The following RSPH10B variants were observed in gnomAD, a reference collection of about 807,000 sequenced individuals.
RSPH10B encodes radial spoke head 10 homolog B (Chlamydomonas).
RSPH10B carries 7 observed loss-of-function variants against 52.5 expected under a neutral mutation model. That is an observed-to-expected ratio of 0.13 (90% CI 0.08 to 0.25). RSPH10B has a LOEUF of 0.25. RSPH10B is among the 10% of genes least tolerant of loss of function. The pLI is 1.00. For synonymous variants in RSPH10B, 28 were observed against 193.2 expected, an observed-to-expected ratio of 0.14 and a Z score of 7.09; for missense variants, 89 against 542.5, an observed-to-expected ratio of 0.16 and a Z score of 8.30.
At chr7:5,933,481 T>G (rs1779874127) in intron 16 of RSPH10B, among the ~76,000 whole-genome samples, 1 of 137,644 alleles carries the variant, frequency 7.3e-6, no homozygotes, top group African/African-American at 2.5e-5. Flanking sequence ...CGATACCGGC[T>G]AGGCGTGGTG....
chr7:5,931,492 A>G (rs571054965), intron 17 of RSPH10B, among the ~76,000 whole-genome samples: 1 of 151,396 alleles, frequency 6.6e-6, no homozygotes, highest in Non-Finnish European at 1.5e-5. Context: ...TTGGGACACC[A>G]AGGCGGGAAG....
chr7:5,954,988 TAAAA>T (rs1185408288), intron 7 of RSPH10B, among the ~76,000 whole-genome samples: 2 of 24,166 alleles, frequency 8.3e-5, no homozygotes, highest in African/African-American at 1.6e-4. Context: ...CTGTAACTAC[TAAAA>T]AAAAAAAAAA....
At chr7:5,928,626 T>C (rs1455925943) in intron 17 of RSPH10B, among the ~76,000 whole-genome samples, 2 of 138,208 alleles carry the variant, frequency 1.4e-5, no homozygotes, top group African/African-American at 5.5e-5. Context: ...CCTCGTTTTT[T>C]CTTTTTTGTT....
At chr7:5,956,775 C>G in intron 6 of RSPH10B, among the ~76,000 whole-genome samples, 1 of 123,036 alleles carries the variant, frequency 8.1e-6, no homozygotes, top group East Asian at 2.8e-4. Context: ...CACCATATCA[C>G]CCAGGCTGGT....
chr7:5,931,106 G>A (rs1254714091), intron 17 of RSPH10B, among the ~76,000 whole-genome samples: 2 of 131,498 alleles, frequency 1.5e-5, no homozygotes. Context: ...GCTAATTTTT[G>A]TATTTTTAGT....
At chr7:5,942,186 A>T (rs1370940563) in intron 13 of RSPH10B, among the ~76,000 whole-genome samples, 19 of 144,524 alleles carry the variant, frequency 1.3e-4, no homozygotes, top group African/African-American at 4.9e-4. Context: ...ATTTCAGTTG[A>T]CTTTATTGCT....
upstream of RSPH10B, among the ~76,000 whole-genome samples, chr7:5,968,698 C>CG (rs1371524325): frequency 5.8e-5 from 4 of 68,894 alleles, 1 homozygote; most frequent in Non-Finnish European, 1.4e-4. Flanking sequence ...TTAGTAGAGA[C>CG]GGGGTTTCAC....
chr7:5,927,022 CGTGTGTGTGTGT>C (rs373901374), intron 18 of RSPH10B, among the ~76,000 whole-genome samples: 3 of 96,000 alleles, frequency 3.1e-5, no homozygotes, highest in African/African-American at 4.8e-5. Flanking sequence ...CCCAAAGTTA[CGTGTGTGTGTGT>C]GTGTGTGTGT....
chr7:5,941,688 G>T (rs1293045554), intron 13 of RSPH10B, among the ~76,000 whole-genome samples: 2 of 139,608 alleles, frequency 1.4e-5, no homozygotes, highest in African/African-American at 5.2e-5. Flanking sequence ...AGGTTGCAGT[G>T]AGCCGAGACC....
rs1194881624 is a variant in RSPH10B at position 5,933,079 on chromosome 7, G to A, written c.2140-204C>T. Among the ~76,000 whole-genome samples the A allele has an allele frequency of 6.2e-5, 4 of 64,096 alleles. 1 individual carries two copies. Among genetic ancestry groups the A allele is most frequent in the East Asian group, 2.3e-4 (1 of 4,298 alleles). The allele number at this position is 64,096 out of a possible 152,430, so 42.0% of individuals were successfully genotyped here. A position where few individuals can be genotyped will look rare whatever the true frequency, so the allele number is the denominator to read the frequency against. On this transcript the variant is annotated intron_variant, in intron 16 of 18. Transcript: ENST00000337579. ...GTTGCCCAGGCTGGAGTGCAGTGGCGCGATCTCGGCTCACTGCAGCCTCCG... is the reference window on the plus strand; with the variant it reads ...GTTGCCCAGGCTGGAGTGCAGTGGCACGATCTCGGCTCACTGCAGCCTCCG...
intron 6 of RSPH10B, among the ~76,000 whole-genome samples, chr7:5,956,681 A>G (rs1296463609): frequency 6.6e-6 from 1 of 150,702 alleles, no homozygotes; most frequent in South Asian, 2.1e-4. Context: ...TGATCCTCCC[A>G]CCTCAGCCTC....
chr7:5,957,753 G>A (rs1444539080), intron 6 of RSPH10B, among the ~76,000 whole-genome samples, 154 bp downstream of exon 8: 18 of 135,390 alleles, frequency 1.3e-4, no homozygotes, highest in African/African-American at 2.0e-4. Flanking sequence ...CCAAGATTGC[G>A]CCAGTGCACT....
intron 2 of RSPH10B, among the ~76,000 whole-genome samples, 169 bp from the exon 5 acceptor site, chr7:5,964,739 GAGT>G (rs1183648860): frequency 6.9e-6 from 1 of 145,646 alleles, no homozygotes; most frequent in Non-Finnish European, 1.5e-5. Flanking sequence ...TCAGCCTCCC[GAGT>G]AGCTGGGACT....
chr7:5,928,327 G>T (rs749626793), exon 18 of RSPH10B: 3 of 1,613,242 alleles, frequency 1.9e-6, no homozygotes, highest in Middle Eastern at 1.7e-4. Flanking sequence ...TCACAAAGAA[G>T]ACGTACATAT....
chr7:5,942,692 T>C (rs1183268514), intron 13 of RSPH10B, among the ~76,000 whole-genome samples: 1 of 149,900 alleles, frequency 6.7e-6, no homozygotes, highest in African/African-American at 2.5e-5. Flanking sequence ...TGAACACCCG[T>C]CTCTACTAAA....
intron 15 of RSPH10B, among the ~76,000 whole-genome samples, chr7:5,937,110 T>TAAAA (rs1779962554): frequency 2.0e-5 from 1 of 50,422 alleles, no homozygotes; most frequent in Non-Finnish European, 4.5e-5. Context: ...AAAAAAGAAT[T>TAAAA]AGCTGGGTGT....
chr7:5,945,846 TTAAATTGATGACATC>T (rs1159229176), intron 10 of RSPH10B, among the ~76,000 whole-genome samples: 1 of 394 alleles, frequency 2.5e-3, no homozygotes, highest in African/African-American at 0.011. Flanking sequence ...TCCAAAGTTG[TTAAATTGATGACATC>T]AACTTCCTAA....
chr7:5,948,022 C>T (rs1414370228), intron 10 of RSPH10B, among the ~76,000 whole-genome samples, 198 bp downstream of exon 12: 6 of 12,762 alleles, frequency 4.7e-4, no homozygotes, highest in Admixed American at 1.0e-3. Context: ...TAGGCATGCA[C>T]CACCACGCCT....
intron 10 of RSPH10B, among the ~76,000 whole-genome samples, chr7:5,948,003 C>T (rs1399064224): frequency 6.2e-5 from 1 of 16,078 alleles, no homozygotes; most frequent in African/African-American, 2.8e-4. Context: ...TCCCAAGTGG[C>T]TGGGATTATA....
Sources: allele counts gnomAD v4.1 joint callset (sites outside exome capture counted in the v4.1 genomes callset), GRCh38; gene constraint gnomAD v4.1.1; transcripts MANE v1.5; gene names NCBI Gene and HGNC (gene_info 2026-07-23, HGNC 2026-07-21).